The following ARHGEF28 variants were observed in gnomAD, a reference collection of about 807,000 sequenced individuals.
ARHGEF28 encodes 190 kDa guanine nucleotide exchange factor.
In ARHGEF28, 152 loss-of-function variants were observed where a neutral mutation model predicts 206.6. The observed-to-expected ratio is 0.74, with a 90% confidence interval of 0.64 to 0.84. ARHGEF28 has a LOEUF of 0.84. Among genes scored for constraint, ARHGEF28 ranks in the 40% least tolerant of loss-of-function variants. The probability of loss-of-function intolerance (pLI) is 0.00; values close to 1 mark genes in which losing one functional copy is unlikely to be tolerated. For synonymous variants in ARHGEF28, 763 were observed against 776.4 expected (o/e 0.98, Z 0.29); for missense variants, 2,028 against 2,073.2 (o/e 0.98, Z 0.42).
At chr5:73,837,706 T>TTCCTTC (rs1561443966) in intron 10 of ARHGEF28, among the ~76,000 whole-genome samples, 2 of 151,518 alleles carry the variant, frequency 1.3e-5, no homozygotes, top group Non-Finnish European at 2.9e-5. Context: ...TCTCTTTCTT[T>TTCCTTC]CTTTCTTCCT....
At chr5:73,811,866 G>C (rs966776890) in intron 9 of ARHGEF28, among the ~76,000 whole-genome samples, 1 of 151,088 alleles carries the variant, frequency 6.6e-6, no homozygotes, top group Non-Finnish European at 1.5e-5. Context: ...GCCTGTAGAC[G>C]CAACTACTCA....
chr5:73,677,849 T>G (rs1480410515), intron 1 of ARHGEF28, among the ~76,000 whole-genome samples: 1 of 152,234 alleles, frequency 6.6e-6, no homozygotes, highest in African/African-American at 2.4e-5. Flanking sequence ...GAAAATGTGG[T>G]ACAATTTTTT....
chr5:73,877,883 A>G (rs1760632681), intron 22 of ARHGEF28, among the ~76,000 whole-genome samples: 1 of 152,026 alleles, frequency 6.6e-6, no homozygotes, highest in Non-Finnish European at 1.5e-5. Flanking sequence ...TGGTGTGCTG[A>G]AAAAAATATA....
At chr5:73,760,230 G>A (rs1368480893) in intron 4 of ARHGEF28, among the ~76,000 whole-genome samples, 1 of 151,944 alleles carries the variant, frequency 6.6e-6, no homozygotes, top group Non-Finnish European at 1.5e-5. Context: ...AATAACATTA[G>A]CTGAAACACC....
chr5:73,674,265 G>A (rs961205203), intron 1 of ARHGEF28, among the ~76,000 whole-genome samples: 2 of 152,218 alleles, frequency 1.3e-5, no homozygotes, highest in African/African-American at 4.8e-5. Context: ...AGCTTTTGCT[G>A]TCTTTTAGCC....
In ARHGEF28 at chr5:73,751,175, C is replaced by T. The variant is rs558458884; in HGVS notation, c.181+1191C>T. On this transcript the variant is annotated intron_variant, in intron 3 of 35. Transcript: ENST00000513042. ...CTGTAATCCCAGCACTACGGGAGGC[C>T]GAGGTAGGAGGATCACCTGAGGTCG... 5.1e-4 allele frequency among the ~76,000 whole-genome samples: 77 copies of T among 152,292 alleles called. 1 individual carries two copies. The highest frequency in any genetic ancestry group is 2.1e-4 in the Non-Finnish European group (14 of 68,022).
intron 2 of ARHGEF28, among the ~76,000 whole-genome samples, chr5:73,688,127 C>T (rs1452605101): frequency 1.3e-5 from 2 of 152,132 alleles, no homozygotes; most frequent in Admixed American, 1.3e-4. Context: ...TAAAATAACA[C>T]TATGCATAAT....
chr5:73,911,304 A>T lies in ARHGEF28; in HGVS notation c.4677A>T (p.Leu1559Phe). The T allele has an allele frequency of 6.2e-7, 1 of 1,603,206 alleles. No homozygotes were observed. Among genetic ancestry groups the T allele is most frequent in the Non-Finnish European group, 8.5e-7 (1 of 1,173,788 alleles). The change falls in exon 35 of 36, where the codon TTA becomes TTT. Residue 1559 changes from leucine to phenylalanine, a missense_variant. Physicochemically the swap from Leu to Phe is conservative, Grantham distance 22. This residue lies in a region of ARHGEF28 where 803 missense variants were observed against 768.0 expected (regional missense o/e 1.05). Transcript: ENST00000513042. Reference sequence around the variant, plus strand: ...TGGAACTTAATCGATCTGAGAGTTTATGTCATGAAAACTCATTCTTCATCA... The same window carrying T: ...TGGAACTTAATCGATCTGAGAGTTTTTGTCATGAAAACTCATTCTTCATCA... ...EVMELNRSES[L>F]CHENSFFINE...
chr5:73,677,663 A>G (rs961805970), intron 1 of ARHGEF28, among the ~76,000 whole-genome samples: 1 of 152,224 alleles, frequency 6.6e-6, no homozygotes, highest in East Asian at 1.9e-4. Context: ...GATATTATGT[A>G]TTCCCCGTAA....
chr5:73,794,175 C>T (rs1432550859), intron 7 of ARHGEF28, among the ~76,000 whole-genome samples: 2 of 152,056 alleles, frequency 1.3e-5, no homozygotes, highest in African/African-American at 4.8e-5. Context: ...TGTGAGAGCT[C>T]CTGGGCTTGT....
intron 13 of ARHGEF28, among the ~76,000 whole-genome samples, chr5:73,850,349 G>GT (rs1758627646): frequency 6.6e-6 from 1 of 152,018 alleles, no homozygotes; most frequent in African/African-American, 2.4e-5. Flanking sequence ...ATGAAGAAAA[G>GT]TTACAAGAGA....
At chr5:73,920,693 C>T (rs1763475508) in intron 35 of ARHGEF28, among the ~76,000 whole-genome samples, 1 of 152,074 alleles carries the variant, frequency 6.6e-6, no homozygotes, top group African/African-American at 2.4e-5. Context: ...TTAAGCCCCT[C>T]ATGCATCAGG....
chr5:73,828,624 C>CTTTTTCCTTTCCTTTCTTTTTTCA (rs1757069166), intron 9 of ARHGEF28, among the ~76,000 whole-genome samples: 1 of 124,742 alleles, frequency 8.0e-6, no homozygotes, highest in Admixed American at 7.6e-5. Flanking sequence ...TTCTTTTTTC[C>CTTTTTCCTTTCCTTTCTTTTTTCA]TTTTTCCTTT....
At chr5:73,927,920 G>T (rs895043516) in intron 35 of ARHGEF28, among the ~76,000 whole-genome samples, 5 of 152,258 alleles carry the variant, frequency 3.3e-5, no homozygotes, top group East Asian at 1.9e-4. Context: ...AGTGACAAAC[G>T]CAAGGCTGTG....
intron 12 of ARHGEF28, among the ~76,000 whole-genome samples, chr5:73,847,108 C>G (rs16870941): frequency 4.6e-5 from 7 of 151,996 alleles, no homozygotes; most frequent in Non-Finnish European, 1.0e-4. Flanking sequence ...TGCGTTTGAA[C>G]AGATTTTTTT....
intron 10 of ARHGEF28, 74 bp downstream of exon 10, chr5:73,832,533 C>G (rs1057294666): frequency 1.3e-6 from 2 of 1,542,840 alleles, no homozygotes; most frequent in East Asian, 4.7e-5. Context: ...ATAGATTCAG[C>G]ATTGTTGTGT....
chr5:73,869,984 G>A, intron 20 of ARHGEF28, 85 bp from the exon 21 acceptor site: 1 of 1,467,176 alleles, frequency 6.8e-7, no homozygotes, highest in East Asian at 2.3e-5. Flanking sequence ...TTTATTTAGG[G>A]TGAGGAATCC....
chr5:73,866,111 C>A, intron 18 of ARHGEF28, 98 bp downstream of exon 18: 1 of 1,064,240 alleles, frequency 9.4e-7, no homozygotes, highest in Non-Finnish European at 1.3e-6. Context: ...CTCATTTATC[C>A]AGTTATTTCT....
At chr5:73,642,330 G>T (rs1045525471) in intron 1 of ARHGEF28, among the ~76,000 whole-genome samples, 1 of 152,086 alleles carries the variant, frequency 6.6e-6, no homozygotes, top group Non-Finnish European at 1.5e-5. Context: ...TGTAAAACAG[G>T]GTTTTGTTTT....
Sources: allele counts gnomAD v4.1 joint callset (sites outside exome capture counted in the v4.1 genomes callset), GRCh38; gene constraint gnomAD v4.1.1; regional missense constraint gnomAD v4.1.1; transcripts MANE v1.5; gene names NCBI Gene and HGNC (gene_info 2026-07-23, HGNC 2026-07-21).